The following GRIK4 variants were observed in gnomAD, a reference collection of about 807,000 sequenced individuals.
GRIK4 encodes glutamate ionotropic receptor kainate type subunit 4, also known as glutamate receptor ionotropic, kainate 4.
Under a neutral mutation model 104.9 loss-of-function variants are expected in GRIK4, and 40 were observed. The observed-to-expected ratio is 0.38, with a 90% CI of 0.30 to 0.50. The LOEUF (loss-of-function observed/expected upper bound fraction) is 0.50, where lower values mean the gene tolerates loss of function less well. Among genes scored for constraint, GRIK4 ranks in the 20% least tolerant of loss-of-function variants. The probability of loss-of-function intolerance (pLI) is 0.93; values close to 1 mark genes in which losing one functional copy is unlikely to be tolerated. For synonymous variants in GRIK4, 485 were observed against 524.9 expected, an observed-to-expected ratio of 0.92 and a Z score of 1.04; for missense variants, 1,047 against 1,308.1, an observed-to-expected ratio of 0.80 and a Z score of 3.08.
chr11:120,523,451 G>A (rs1219791798), intron 1 of GRIK4, among the ~76,000 whole-genome samples: 1 of 151,988 alleles, frequency 6.6e-6, no homozygotes, highest in Non-Finnish European at 1.5e-5. Context: ...GCTTGACCCT[G>A]GGCTTTAGGG....
intron 3 of GRIK4, among the ~76,000 whole-genome samples, chr11:120,795,399 C>A (rs114131333): frequency 1.3e-5 from 2 of 152,172 alleles, no homozygotes; most frequent in African/African-American, 4.8e-5. Flanking sequence ...ATCCACCCTG[C>A]GGATCCCTGT....
At chr11:120,715,427 G>A (rs1950812087) in intron 3 of GRIK4, among the ~76,000 whole-genome samples, 1 of 152,142 alleles carries the variant, frequency 6.6e-6, no homozygotes, top group East Asian at 1.9e-4. Flanking sequence ...CGAAACAAAA[G>A]CAATTGGAAG....
At chr11:120,733,141 A>AAT (rs1229904926) in intron 3 of GRIK4, among the ~76,000 whole-genome samples, 4 of 152,210 alleles carry the variant, frequency 2.6e-5, no homozygotes, top group South Asian at 2.1e-4. Context: ...TATTTTGTCT[A>AAT]ATATATGTAT....
chr11:120,811,623 T>C (rs1413771495), intron 4 of GRIK4, among the ~76,000 whole-genome samples: 1 of 152,146 alleles, frequency 6.6e-6, no homozygotes, highest in Non-Finnish European at 1.5e-5. Context: ...CTCATAATCA[T>C]TCCTCAGTGT....
intron 3 of GRIK4, among the ~76,000 whole-genome samples, chr11:120,738,191 T>A (rs1444731891): frequency 6.6e-6 from 1 of 152,216 alleles, no homozygotes; most frequent in East Asian, 1.9e-4. Flanking sequence ...TATTTCAAGA[T>A]GGAGTAAATG....
chr11:120,792,009 G>A (rs905431961), intron 3 of GRIK4, among the ~76,000 whole-genome samples: 2 of 152,262 alleles, frequency 1.3e-5, no homozygotes, highest in East Asian at 1.9e-4. Context: ...ATTGCATTGG[G>A]GATGGGAAGA....
chr11:120,892,796 C>G (rs542300901), intron 11 of GRIK4, among the ~76,000 whole-genome samples: 1 of 152,170 alleles, frequency 6.6e-6, no homozygotes. Flanking sequence ...ACTGATGCCA[C>G]GGAACCATTC....
chr11:120,881,250 T>C (rs187645644), intron 11 of GRIK4, among the ~76,000 whole-genome samples: 1 of 152,334 alleles, frequency 6.6e-6, no homozygotes, highest in East Asian at 1.9e-4. Context: ...TGGAATTTGT[T>C]TTCCAATTTT....
At position 120,599,371 on chromosome 11, in the gene GRIK4, G is replaced by T. The variant is rs144809404; in HGVS notation, c.-158-54314G>T. Among the ~76,000 whole-genome samples, 100 of 152,298 alleles carry T rather than the reference G, an allele frequency of 6.6e-4. 1 individual carries two copies. The East Asian group carries it at 0.019, about 29-fold the overall frequency. ...GGAAGGTCCCTGTTCTGGGCTTGAGGCTCCAGGGATGGAGGAGGGGACATT... is the reference window on the plus strand; with the variant it reads ...GGAAGGTCCCTGTTCTGGGCTTGAGTCTCCAGGGATGGAGGAGGGGACATT... On this transcript the variant is annotated intron_variant, in intron 1 of 20. Transcript: ENST00000527524.
chr11:120,718,259 C>T (rs1219111591), intron 3 of GRIK4, among the ~76,000 whole-genome samples: 2 of 152,020 alleles, frequency 1.3e-5, no homozygotes, highest in Non-Finnish European at 2.9e-5. Flanking sequence ...GCCACTCCCT[C>T]CTCTCCCCGT....
chr11:120,768,147 T>C (rs1951871529), intron 3 of GRIK4, among the ~76,000 whole-genome samples: 1 of 152,094 alleles, frequency 6.6e-6, no homozygotes, highest in Admixed American at 6.5e-5. Context: ...TTGGGTAGTA[T>C]GGGCATTTTA....
At chr11:120,647,296 C>G (rs1244889835) in intron 1 of GRIK4, among the ~76,000 whole-genome samples, 2 of 152,206 alleles carry the variant, frequency 1.3e-5, no homozygotes, top group Non-Finnish European at 2.9e-5. Context: ...GTCAGTTTTC[C>G]CCACATTCAC....
In GRIK4 at chr11:120,819,643, A is replaced by G; in HGVS notation, c.346-112A>G. On this transcript the variant is annotated intron_variant, in intron 5 of 20. Coordinates refer to ENST00000527524, the MANE Select transcript of GRIK4 (RefSeq NM_014619.5). This position sits in a 1 kb window ranked among gnomAD's most constrained non-coding sequence, Gnocchi z 4.3. ...CTCCTTCTCCCATTGGTGTCTGGCG[A>G]AGGTGTTACATAAAAGAACTCACCC... 2.1e-6 allele frequency: 2 copies of G among 942,794 alleles called. No individual in the cohort carries two copies. The highest frequency in any genetic ancestry group is 2.4e-5 in the East Asian group (1 of 41,354). The allele number at this position is 942,794 out of a possible 1,614,324, so 58.4% of individuals were successfully genotyped here.
At chr11:120,567,843 G>A (rs1183453876) in intron 1 of GRIK4, among the ~76,000 whole-genome samples, 1 of 152,180 alleles carries the variant, frequency 6.6e-6, no homozygotes, top group African/African-American at 2.4e-5. Context: ...CTCCAAGGCA[G>A]GTACAGACCA....
At chr11:120,883,445 C>T (rs1409031649) in intron 11 of GRIK4, among the ~76,000 whole-genome samples, 1 of 152,188 alleles carries the variant, frequency 6.6e-6, no homozygotes, top group Non-Finnish European at 1.5e-5. Flanking sequence ...AAGAACAGTG[C>T]TCCCCTACTT....
intron 11 of GRIK4, among the ~76,000 whole-genome samples, chr11:120,879,029 TGAC>T (rs2135698252): frequency 6.6e-6 from 1 of 152,318 alleles, no homozygotes; most frequent in Admixed American, 6.5e-5. Context: ...CTTCCAATCT[TGAC>T]GACAGCCCTT....
At chr11:120,947,941 A>AT in intron 14 of GRIK4, among the ~76,000 whole-genome samples, 1 of 152,350 alleles carries the variant, frequency 6.6e-6, no homozygotes. Context: ...ATACACTAGC[A>AT]TATGAGTTCT....
Position 120,797,707 on chromosome 11 carries a change from G to A in GRIK4, c.83-4986G>A, listed in dbSNP as rs374621855. Among the ~76,000 whole-genome samples, 116 of 152,318 alleles carry A rather than the reference G, an allele frequency of 7.6e-4. 1 individual carries two copies. Among genetic ancestry groups the A allele is most frequent in the African/African-American group, 2.7e-3 (113 of 41,574 alleles). Reference sequence around the variant, plus strand: ...GGTCCCTGAATCGCACGGGGGTTGGGAGGTAGAGAGGACAGGATTTTAGAT... The same window carrying A: ...GGTCCCTGAATCGCACGGGGGTTGGAAGGTAGAGAGGACAGGATTTTAGAT... On this transcript the variant is annotated intron_variant, in intron 3 of 20. Transcript: ENST00000527524.
chr11:120,798,157 C>T (rs1220384352), intron 3 of GRIK4, among the ~76,000 whole-genome samples: 3 of 68,118 alleles, frequency 4.4e-5, no homozygotes, highest in Non-Finnish European at 5.5e-5. Context: ...TCTGCTGTCT[C>T]TTTTTTTTTT....
Sources: allele counts gnomAD v4.1 joint callset (sites outside exome capture counted in the v4.1 genomes callset), GRCh38; gene constraint gnomAD v4.1.1; non-coding constraint Gnocchi (gnomAD v3.1); transcripts MANE v1.5; gene names NCBI Gene and HGNC (gene_info 2026-07-23, HGNC 2026-07-21).